CSMD1: variants seen among roughly 807,000 people sequenced by gnomAD.
CSMD1 encodes the protein CUB and sushi domain-containing protein 1.
CSMD1 carries 213 observed loss-of-function variants against 417.5 expected under a neutral mutation model. The observed-to-expected ratio is 0.51, with a 90% confidence interval of 0.46 to 0.57. The LOEUF is 0.57. CSMD1 is among the 20% of genes least tolerant of loss of function. The probability of loss-of-function intolerance (pLI) is 0.00; values close to 1 mark genes in which losing one functional copy is unlikely to be tolerated. For synonymous variants in CSMD1, 2,862 were observed against 1,736.8 expected (o/e 1.65, Z -16.11); for missense variants, 6,923 against 4,529.7 (o/e 1.53, Z -15.17).
Position 3,179,667 on chromosome 8 carries a change from G to C in CSMD1, c.5725+1443C>G, listed in dbSNP as rs546500638. The stretch of plus-strand genomic sequence containing the variant: ...GATGCTACAGGATAACTTTGAGAAT[G>C]ATAAGAGCATTCATCAATACTAACT... On this transcript the variant is annotated intron_variant, in intron 37 of 69. Coordinates refer to ENST00000635120, the MANE Select transcript of CSMD1 (RefSeq NM_033225.6). 3.3e-5 allele frequency among the ~76,000 whole-genome samples: 5 copies of C among 152,266 alleles called. No homozygotes were observed. In the East Asian group the frequency reaches 9.6e-4, roughly 29 times the overall value.
At chr8:3,126,487 C>T (rs1042024911) in intron 41 of CSMD1, among the ~76,000 whole-genome samples, 3 of 152,056 alleles carry the variant, frequency 2.0e-5, no homozygotes, top group African/African-American at 4.8e-5. Context: ...TTTGAAGCCC[C>T]GCTTGAGTCC....
Position 4,951,793 on chromosome 8 carries a change from A to G in CSMD1, c.85+42539T>C, listed in dbSNP as rs1319862002. On this transcript the variant is annotated intron_variant, in intron 1 of 69. Coordinates refer to ENST00000635120, the MANE Select transcript of CSMD1 (RefSeq NM_033225.6). ...CTTTCCTTAATATCTCTGGTGAAAG[A>G]TATTTCTGAGCCTTCTCCTTTGCAC... Among the ~76,000 whole-genome samples the G allele has an allele frequency of 6.6e-5, 10 of 151,980 alleles. No homozygotes were observed. In the East Asian group the frequency reaches 1.7e-3, roughly 27 times the overall value.
At chr8:3,981,777 T>A (rs1311277242) in intron 5 of CSMD1, among the ~76,000 whole-genome samples, 2 of 152,150 alleles carry the variant, frequency 1.3e-5, no homozygotes, top group Admixed American at 1.3e-4. Context: ...GCTGTGCGCT[T>A]CACAAAGTCA....
chr8:3,766,366 A>G (rs753011630), intron 5 of CSMD1, among the ~76,000 whole-genome samples: 31 of 152,112 alleles, frequency 2.0e-4, no homozygotes, highest in Non-Finnish European at 7.4e-5. Flanking sequence ...CAAGTCAGTG[A>G]CCTGGAAAAC....
At chr8:3,400,050 C>G (rs1811944364) in intron 15 of CSMD1, among the ~76,000 whole-genome samples, 1 of 152,118 alleles carries the variant, frequency 6.6e-6, no homozygotes, top group South Asian at 2.1e-4. Flanking sequence ...AATGTTCAAT[C>G]AAATTTGATA....
chr8:3,267,456 C>T (rs1267612381), intron 26 of CSMD1, among the ~76,000 whole-genome samples: 1 of 152,156 alleles, frequency 6.6e-6, no homozygotes, highest in Non-Finnish European at 1.5e-5. Flanking sequence ...GGTGGCCGTG[C>T]ATGTACACTG....
chr8:3,367,929 C>T (rs973232418), intron 19 of CSMD1, among the ~76,000 whole-genome samples: 1 of 152,168 alleles, frequency 6.6e-6, no homozygotes, highest in Non-Finnish European at 1.5e-5. Context: ...TTACTCTAAA[C>T]AGGTGTCCTT....
chr8:3,280,188 A>T (rs535830308), intron 26 of CSMD1, among the ~76,000 whole-genome samples: 1 of 150,386 alleles, frequency 6.6e-6, no homozygotes, highest in East Asian at 2.0e-4. Flanking sequence ...TTGCCTCGAG[A>T]GCCACAGAGT....
At chr8:3,021,265 A>G (rs1392212911) in intron 51 of CSMD1, among the ~76,000 whole-genome samples, 2 of 152,230 alleles carry the variant, frequency 1.3e-5, no homozygotes, top group African/African-American at 4.8e-5. Context: ...ACTCAATTGT[A>G]AAGAAGAAGT....
chr8:4,464,858 G>A (rs963900535), intron 2 of CSMD1, among the ~76,000 whole-genome samples: 2 of 152,090 alleles, frequency 1.3e-5, no homozygotes, highest in African/African-American at 4.8e-5. Flanking sequence ...TTACCCTGCT[G>A]TGTTAGTTTT....
intron 3 of CSMD1, among the ~76,000 whole-genome samples, chr8:4,382,150 G>A (rs1240378046): frequency 2.0e-5 from 3 of 152,122 alleles, no homozygotes; most frequent in African/African-American, 7.2e-5. Flanking sequence ...ACAAAGCAAA[G>A]CATGCATTCT....
intron 10 of CSMD1, among the ~76,000 whole-genome samples, chr8:3,531,214 C>A (rs535513478): frequency 6.6e-6 from 1 of 152,142 alleles, no homozygotes; most frequent in South Asian, 2.1e-4. Context: ...TAATTTAAAA[C>A]AACCTAAAAT....
intron 7 of CSMD1, among the ~76,000 whole-genome samples, chr8:3,694,931 A>T (rs918538531): frequency 6.6e-6 from 1 of 152,210 alleles, no homozygotes; most frequent in South Asian, 2.1e-4. Flanking sequence ...CACCACGTGT[A>T]GCTTGCCAGT....
intron 10 of CSMD1, among the ~76,000 whole-genome samples, chr8:3,554,434 C>T (rs1407312095): frequency 6.6e-6 from 1 of 152,090 alleles, no homozygotes; most frequent in East Asian, 1.9e-4. Flanking sequence ...GAGCCTGGAG[C>T]TGGGGGAGCA....
chr8:4,774,026 A>G (rs557080308), intron 1 of CSMD1, among the ~76,000 whole-genome samples: 1 of 151,814 alleles, frequency 6.6e-6, no homozygotes, highest in Admixed American at 6.6e-5. Flanking sequence ...TGAAACCCCA[A>G]CTCTACTAAA....
At chr8:4,244,190 G>A (rs950116543) in intron 3 of CSMD1, among the ~76,000 whole-genome samples, 1 of 152,166 alleles carries the variant, frequency 6.6e-6, no homozygotes, top group African/African-American at 2.4e-5. Context: ...AACCGTTTAG[G>A]CTTAGCTGAG....
chr8:3,816,712 T>C lies in CSMD1; in HGVS notation c.819-62670A>G, dbSNP rs180731123. Among the ~76,000 whole-genome samples the C allele has an allele frequency of 5.2e-3, 796 of 152,294 alleles. 5 individuals carry two copies. The highest frequency in any genetic ancestry group is 8.9e-3 in the Non-Finnish European group (607 of 68,016). On this transcript the variant is annotated intron_variant, in intron 5 of 69. Coordinates refer to ENST00000635120, the MANE Select transcript of CSMD1 (RefSeq NM_033225.6). ...ACACTGATTTTACCTTTACAAATCA[T>C]GGGAATGTATTTAATTATGACCAGA...
chr8:4,358,610 A>T (rs116115742), intron 3 of CSMD1, among the ~76,000 whole-genome samples: 4,538 of 152,264 alleles, frequency 0.03, 232 homozygotes, highest in African/African-American at 0.1. Flanking sequence ...GTAATAGTCT[A>T]ACAGGGTATA....
intron 28 of CSMD1, among the ~76,000 whole-genome samples, chr8:3,222,797 G>A (rs574244934): frequency 1.3e-4 from 20 of 152,304 alleles, no homozygotes; most frequent in Non-Finnish European, 2.6e-4. Context: ...GTAAATTCAG[G>A]AAAAGATGAC....
Sources: allele counts gnomAD v4.1 joint callset (sites outside exome capture counted in the v4.1 genomes callset), GRCh38; gene constraint gnomAD v4.1.1; transcripts MANE v1.5; gene names NCBI Gene and HGNC (gene_info 2026-07-23, HGNC 2026-07-21).